Variants in JAM3 observed in about 807,000 individuals in gnomAD.
The protein encoded by JAM3 is junctional adhesion molecule C.
JAM3 carries 31 observed loss-of-function variants against 39.4 expected under a neutral mutation model. That is an observed-to-expected ratio of 0.79 (90% confidence interval 0.59 to 1.06). The LOEUF (loss-of-function observed/expected upper bound fraction) is 1.06, where lower values mean the gene tolerates loss of function less well. Ranked by LOEUF, JAM3 falls within the 50% of genes least tolerant of loss-of-function variation. The pLI is 0.00. For synonymous variants in JAM3, 182 were observed against 148.7 expected, an observed-to-expected ratio of 1.22 and a Z score of -1.63; for missense variants, 455 against 391.4, an observed-to-expected ratio of 1.16 and a Z score of -1.37.
intron 1 of JAM3, among the ~76,000 whole-genome samples, chr11:134,112,888 C>G (rs1942344900): frequency 6.6e-6 from 1 of 152,134 alleles, no homozygotes; most frequent in Admixed American, 6.5e-5. Flanking sequence ...AATCTTGTCT[C>G]ATTTGAGGTC....
intron 3 of JAM3, among the ~76,000 whole-genome samples, chr11:134,142,583 T>C (rs1942996462): frequency 6.6e-6 from 1 of 152,254 alleles, no homozygotes; most frequent in Non-Finnish European, 1.5e-5. Flanking sequence ...TTCTTCCTGC[T>C]TCTTTGAAAG....
rs1309893974 is a variant in JAM3 at position 134,149,508 on chromosome 11, TG to T, written c.*328del. 1.9e-6 allele frequency: 1 copy of T among 514,536 alleles called. No individual in the cohort carries two copies. Among genetic ancestry groups the T allele is most frequent in the Non-Finnish European group, 3.7e-6 (1 of 270,362 alleles). 31.9% of individuals were successfully genotyped at this position (514,536 alleles called of 1,614,324 possible). A position where few individuals can be genotyped will look rare whatever the true frequency, so the allele number is the denominator to read the frequency against. ...AAGAGTTTGCTCACGTAAACGCCCG[TG>T]CTGGGCCCTGTGAAGCCAGCATGTT... On this transcript the variant is annotated 3_prime_UTR_variant, in exon 9 of 9. Coordinates refer to ENST00000299106, the MANE Select transcript of JAM3 (RefSeq NM_032801.5).
intron 1 of JAM3, among the ~76,000 whole-genome samples, chr11:134,099,445 TCTCA>T (rs1942036731): frequency 6.6e-6 from 1 of 152,180 alleles, no homozygotes; most frequent in African/African-American, 2.4e-5. Flanking sequence ...TAGATCCTTT[TCTCA>T]CTGTCTCGCC....
rs536049182 is a variant in JAM3, at chr11:134,149,658, G to A, written c.*477G>A. On this transcript the variant is annotated 3_prime_UTR_variant, in exon 9 of 9. Coordinates refer to ENST00000299106, the MANE Select transcript of JAM3 (RefSeq NM_032801.5). The stretch of plus-strand genomic sequence containing the variant: ...TCTTACACAGCAGCCTTACTTCATC[G>A]GCCCACAGACACCACCGCAGTTTCT... 1.3e-5 allele frequency: 6 copies of A among 457,718 alleles called. No homozygotes were observed. Among genetic ancestry groups the A allele is most frequent in the Admixed American group, 9.4e-5 (4 of 42,594 alleles). 28.4% of individuals were successfully genotyped at this position (457,718 alleles called of 1,614,324 possible).
At chr11:134,086,823 T>C (rs891181493) in intron 1 of JAM3, among the ~76,000 whole-genome samples, 10 of 152,078 alleles carry the variant, frequency 6.6e-5, no homozygotes, top group African/African-American at 2.4e-4. Context: ...GTTGTTGTTG[T>C]TTTGTTTTTT....
At chr11:134,091,669 G>C (rs1015429848) in intron 1 of JAM3, among the ~76,000 whole-genome samples, 2 of 151,764 alleles carry the variant, frequency 1.3e-5, no homozygotes, top group Admixed American at 6.6e-5. Context: ...TTACAGCTTT[G>C]GTAGTGGGTG....
chr11:134,102,236 G>A (rs1367497159), intron 1 of JAM3, among the ~76,000 whole-genome samples: 1 of 152,148 alleles, frequency 6.6e-6, no homozygotes, highest in African/African-American at 2.4e-5. Context: ...CTCCGCTGCT[G>A]ATAACCCAGG....
chr11:134,141,438 C>T (rs1181696625), intron 3 of JAM3, among the ~76,000 whole-genome samples: 1 of 151,708 alleles, frequency 6.6e-6, no homozygotes, highest in African/African-American at 2.4e-5. Flanking sequence ...GGTACATGGA[C>T]AGGGAGAGAG....
chr11:134,124,385 T>A (rs1591796154), intron 1 of JAM3: 1 of 632,124 alleles, frequency 1.6e-6, no homozygotes, highest in East Asian at 2.6e-5. Context: ...GTGAAAGAAA[T>A]CAATAAATCA....
intron 1 of JAM3, among the ~76,000 whole-genome samples, chr11:134,106,312 G>A (rs1241890209): frequency 2.0e-5 from 3 of 151,954 alleles, no homozygotes; most frequent in Admixed American, 6.6e-5. Flanking sequence ...AGCTGAAACT[G>A]GATCCCTTCC....
chr11:134,101,140 C>G (rs1942065628), intron 1 of JAM3, among the ~76,000 whole-genome samples: 1 of 152,086 alleles, frequency 6.6e-6, no homozygotes, highest in South Asian at 2.1e-4. Context: ...TCTTACCCAT[C>G]TTCAAACAGA....
chr11:134,098,382 A>G (rs369843294), intron 1 of JAM3, among the ~76,000 whole-genome samples: 3 of 152,234 alleles, frequency 2.0e-5, no homozygotes, highest in Non-Finnish European at 2.9e-5. Context: ...AAAAAGCACA[A>G]TAATCAAAAC....
chr11:134,117,038 C>A (rs1210555344), intron 1 of JAM3, among the ~76,000 whole-genome samples: 1 of 151,626 alleles, frequency 6.6e-6, no homozygotes, highest in East Asian at 1.9e-4. Flanking sequence ...CTAGCCAATA[C>A]AACCAGGCAT....
At chr11:134,144,203 T>C in intron 3 of JAM3, 38 bp from the exon 4 acceptor site, 1 of 1,613,648 alleles carries the variant, frequency 6.2e-7, no homozygotes, top group Non-Finnish European at 8.5e-7. Context: ...AAAGATTTCT[T>C]TAAAGAAGTT....
intron 1 of JAM3, among the ~76,000 whole-genome samples, chr11:134,111,281 C>G (rs538980909): frequency 1.8e-4 from 27 of 151,554 alleles, no homozygotes; most frequent in African/African-American, 6.3e-4. Flanking sequence ...GTAGCTGGGA[C>G]TACAGGCCCG....
intron 1 of JAM3, among the ~76,000 whole-genome samples, chr11:134,080,138 T>G (rs1463602239): frequency 1.3e-5 from 2 of 152,256 alleles, no homozygotes; most frequent in East Asian, 3.8e-4. Context: ...GCATCAGATA[T>G]GAAGTTTTCA....
chr11:134,073,299 T>C (rs1941512340), intron 1 of JAM3, among the ~76,000 whole-genome samples: 1 of 152,224 alleles, frequency 6.6e-6, no homozygotes, highest in African/African-American at 2.4e-5. Flanking sequence ...ACATTTCCCA[T>C]GAGTAGTTAA....
rs115606408 is a variant in JAM3, at chr11:134,071,940, A to C, written c.76+2781A>C. 9.9e-3 allele frequency among the ~76,000 whole-genome samples: 1,501 copies of C among 152,320 alleles called. 20 individuals are homozygous for C. Among genetic ancestry groups the C allele is most frequent in the African/African-American group, 0.034 (1,407 of 41,568 alleles). On this transcript the variant is annotated intron_variant, in intron 1 of 8. Coordinates refer to ENST00000299106, the MANE Select transcript of JAM3 (RefSeq NM_032801.5). ...ATTTGTTCTTCAGTGCTTCAGGCTA[A>C]GGAGACTGAATGGATAAGTACTAGA...
chr11:134,090,619 G>A (rs1261064960), intron 1 of JAM3, among the ~76,000 whole-genome samples: 2 of 152,118 alleles, frequency 1.3e-5, no homozygotes, highest in African/African-American at 4.8e-5. Flanking sequence ...TGAACATCTG[G>A]ATCCTGGAGT....
Sources: allele counts gnomAD v4.1 joint callset (sites outside exome capture counted in the v4.1 genomes callset), GRCh38; gene constraint gnomAD v4.1.1; transcripts MANE v1.5; gene names NCBI Gene and HGNC (gene_info 2026-07-23, HGNC 2026-07-21).